KALRN: variants seen among roughly 807,000 people sequenced by gnomAD.
KALRN encodes kalirin.
In KALRN, 70 loss-of-function variants were observed where a neutral mutation model predicts 353.7. The observed-to-expected ratio is 0.20, with a 90% CI of 0.16 to 0.24. The LOEUF (loss-of-function observed/expected upper bound fraction) is 0.24, where lower values mean the gene tolerates loss of function less well. Ranked by LOEUF, KALRN falls within the 10% of genes least tolerant of loss-of-function variation. The pLI, the probability that KALRN is intolerant of heterozygous loss-of-function variation, is 1.00. For missense variants in KALRN, 2,791 were observed against 3,756.7 expected (o/e 0.74, Z 6.72); for synonymous variants, 1,391 against 1,434.8 (o/e 0.97, Z 0.69).
chr3:124,318,635 A>T (rs1191437448), intron 6 of KALRN, among the ~76,000 whole-genome samples: 1 of 152,214 alleles, frequency 6.6e-6, no homozygotes, highest in Non-Finnish European at 1.5e-5. Flanking sequence ...GCTTTGACAC[A>T]ATCTATTTTC....
At chr3:124,466,310 T>A (rs2060341034) in intron 25 of KALRN, among the ~76,000 whole-genome samples, 1 of 152,078 alleles carries the variant, frequency 6.6e-6, no homozygotes, top group South Asian at 2.1e-4. Context: ...TCATGAAATT[T>A]ACTTATCTAC....
intron 18 of KALRN, 63 bp downstream of exon 18, chr3:124,439,100 C>CTCTTTCTCTTTCTCTTTTCTT: frequency 1.4e-6 from 2 of 1,460,246 alleles, no homozygotes; most frequent in Non-Finnish European, 1.9e-6. Flanking sequence ...TTCTTTCATC[C>CTCTTTCTCTTTCTCTTTTCTT]TCTTTCTCTT....
Position 124,650,897 on chromosome 3 carries a change from C to T in KALRN, c.5754C>T (p.Asn1918=), listed in dbSNP as rs12106716. 0.12 allele frequency: 187,803 copies of T among 1,613,744 alleles called. 11,465 individuals carry two copies. The highest frequency in any genetic ancestry group is 0.13 in the African/African-American group (10,073 of 75,006). The change falls in exon 38 of 60, where the codon AAC becomes AAT. Residue 1918 remains asparagine (N), a synonymous_variant. Transcript: ENST00000682506. Reference sequence around the variant, plus strand: ...TGGCCCCACCCACACCTCCTAAAAACCCAGAAGAAGAACAGAAAGCCAAGG... The same window carrying T: ...TGGCCCCACCCACACCTCCTAAAAATCCAGAAGAAGAACAGAAAGCCAAGG... ...EGMAPPTPPK[N]PEEEQKAKAL...
At chr3:124,170,112 AAAAC>A (rs1356712511) in intron 1 of KALRN, among the ~76,000 whole-genome samples, 4 of 152,314 alleles carry the variant, frequency 2.6e-5, no homozygotes, top group African/African-American at 9.6e-5. Context: ...TAAAAAAAGA[AAAAC>A]AAATAAGACG....
At chr3:124,349,489 A>G (rs2084016) in intron 10 of KALRN, among the ~76,000 whole-genome samples, 30,308 of 152,066 alleles carry the variant, frequency 0.2, 3,185 homozygotes, top group Middle Eastern at 0.27. Context: ...TATCATTAGT[A>G]TATTTTATGT....
intron 6 of KALRN, among the ~76,000 whole-genome samples, chr3:124,311,808 T>A (rs1164103117): frequency 2.6e-5 from 4 of 152,228 alleles, no homozygotes; most frequent in Non-Finnish European, 5.9e-5. Flanking sequence ...GGACTTATAT[T>A]TATTTGGCCA....
At chr3:124,373,866 G>A (rs1239519181) in intron 10 of KALRN, among the ~76,000 whole-genome samples, 2 of 152,170 alleles carry the variant, frequency 1.3e-5, no homozygotes, top group Non-Finnish European at 2.9e-5. Flanking sequence ...TGCAGGGACA[G>A]AATTCAACCC....
chr3:124,410,554 A>G (rs1419635723), intron 13 of KALRN, among the ~76,000 whole-genome samples: 1 of 152,252 alleles, frequency 6.6e-6, no homozygotes, highest in African/African-American at 2.4e-5. Flanking sequence ...ACATCTTACA[A>G]AAGTAGATAT....
At chr3:124,116,913 C>G (rs1302064068) in intron 1 of KALRN, among the ~76,000 whole-genome samples, 1 of 152,174 alleles carries the variant, frequency 6.6e-6, no homozygotes, top group Non-Finnish European at 1.5e-5. Context: ...CTGTAGATTC[C>G]TGGAGGCAGA....
At chr3:124,595,189 G>GTT (rs11464667) in intron 34 of KALRN, among the ~76,000 whole-genome samples, 8 of 150,136 alleles carry the variant, frequency 5.3e-5, no homozygotes. Flanking sequence ...TTCCATGTGT[G>GTT]TTTTTTTTTC....
chr3:124,077,118 C>T (rs1424973139), intron 1 of KALRN, among the ~76,000 whole-genome samples: 6 of 152,236 alleles, frequency 3.9e-5, no homozygotes, highest in Non-Finnish European at 8.8e-5. Flanking sequence ...CCTCTAACTC[C>T]TGTCTGCTGC....
At chr3:124,715,881 G>A (rs1159875614) in intron 58 of KALRN, among the ~76,000 whole-genome samples, 2 of 152,094 alleles carry the variant, frequency 1.3e-5, no homozygotes, top group Non-Finnish European at 2.9e-5. Context: ...ACTTACCTAT[G>A]CTACCAATTA....
intron 33 of KALRN, among the ~76,000 whole-genome samples, chr3:124,553,554 ACTT>A (rs1183648607): frequency 2.6e-5 from 4 of 152,198 alleles, no homozygotes; most frequent in African/African-American, 4.8e-5. Flanking sequence ...GAAGCCCGTA[ACTT>A]CTTCTCTCTC....
intron 34 of KALRN, among the ~76,000 whole-genome samples, chr3:124,571,312 G>A (rs751484729): frequency 2.0e-5 from 3 of 152,188 alleles, no homozygotes; most frequent in Non-Finnish European, 2.9e-5. Flanking sequence ...TTGTGTTTAT[G>A]GATTAATAGT....
At chr3:124,535,826 A>G (rs1393633407) in intron 33 of KALRN, among the ~76,000 whole-genome samples, 1 of 152,192 alleles carries the variant, frequency 6.6e-6, no homozygotes, top group African/African-American at 2.4e-5. Flanking sequence ...TAAGCGGTCC[A>G]GGACTGGTAA....
chr3:124,725,697 A>G lies in KALRN; in HGVS notation c.*6227A>G, dbSNP rs986408277. The G allele has an allele frequency of 6.6e-6, 1 of 152,256 alleles. No homozygotes were observed. The highest frequency in any genetic ancestry group is 2.4e-5 in the African/African-American group (1 of 41,468). 9.4% of individuals were successfully genotyped at this position (152,256 alleles called of 1,614,324 possible). A position where few individuals can be genotyped will look rare whatever the true frequency, so the allele number is the denominator to read the frequency against. Reference sequence around the variant, plus strand: ...AAGCCAAACTAACAAAGTGTGAAACATAAAGGGGCCATCATTTAGTTTATT... The same window carrying G: ...AAGCCAAACTAACAAAGTGTGAAACGTAAAGGGGCCATCATTTAGTTTATT... On this transcript the variant is annotated 3_prime_UTR_variant, in exon 60 of 60. Transcript: ENST00000682506.
At chr3:124,662,197 T>A in intron 45 of KALRN, among the ~76,000 whole-genome samples, 1 of 89,796 alleles carries the variant, frequency 1.1e-5, no homozygotes, top group Non-Finnish European at 2.5e-5. Context: ...AGAATTCTTT[T>A]TTTTTTTTTT....
chr3:124,341,511 C>T (rs28403067), intron 9 of KALRN, among the ~76,000 whole-genome samples: 13,004 of 152,240 alleles, frequency 0.085, 687 homozygotes, highest in Middle Eastern at 0.14. Context: ...CTCTTTACAT[C>T]CCTCTAAGAA....
At chr3:124,311,477 T>C (rs1298530074) in intron 6 of KALRN, among the ~76,000 whole-genome samples, 1 of 150,358 alleles carries the variant, frequency 6.7e-6, no homozygotes, top group African/African-American at 2.4e-5. Context: ...AAAAGAAAAG[T>C]AAAACTCTGA....
Sources: allele counts gnomAD v4.1 joint callset (sites outside exome capture counted in the v4.1 genomes callset), GRCh38; gene constraint gnomAD v4.1.1; transcripts MANE v1.5; gene names NCBI Gene and HGNC (gene_info 2026-07-23, HGNC 2026-07-21).